BCOR: variants seen among roughly 807,000 people sequenced by gnomAD.
BCOR encodes the protein BCL-6 corepressor.
A neutral mutation model predicts 86.7 loss-of-function variants in BCOR; 10 were observed. The ratio of observed to expected loss-of-function variants is 0.12; its 90% CI spans 0.07 to 0.20. BCOR has a LOEUF of 0.20. Ranked by LOEUF, BCOR falls within the 10% of genes least tolerant of loss-of-function variation. The pLI, the probability that BCOR is intolerant of heterozygous loss-of-function variation, is 1.00. For missense variants in BCOR, 1,259 were observed against 1,452.1 expected (o/e 0.87, Z 2.16); for synonymous variants, 611 against 609.0 (o/e 1.00, Z -0.05).
intron 1 of BCOR, among the ~76,000 whole-genome samples, chrX:40,121,634 T>C (rs757428493): frequency 2.7e-5 from 3 of 112,973 alleles, no homozygotes; most frequent in Non-Finnish European, 3.7e-5. Flanking sequence ...GATGATGACA[T>C]GTGCCACACA....
In BCOR at chrX:40,062,119, G is replaced by A. The variant is rs755977402; in HGVS notation, c.4428+20C>T. The A allele has an allele frequency of 5.2e-5, 62 of 1,191,683 alleles. No individual in the cohort carries two copies. In the East Asian group the frequency reaches 1.8e-3, roughly 35 times the overall value. On this transcript the variant is annotated intron_variant, in intron 10 of 14. Transcript: ENST00000378444. ...CCGCCCCCCAGCCTGCAGCCCCAGG[G>A]AGCGCCCACAGGGACACACCTCATA...
At chrX:40,141,800 C>T (rs1937928497) in intron 1 of BCOR, among the ~76,000 whole-genome samples, 2 of 111,421 alleles carry the variant, frequency 1.8e-5, no homozygotes, top group South Asian at 7.5e-4. Flanking sequence ...TGAAGATGGC[C>T]TCTCTCGCAC....
At chrX:40,055,152 T>C (rs1321356363) in intron 12 of BCOR, among the ~76,000 whole-genome samples, 1 of 112,491 alleles carries the variant, frequency 8.9e-6, no homozygotes, top group Non-Finnish European at 1.9e-5. Flanking sequence ...AAAATGGGAA[T>C]AACTTTAGGA....
In BCOR at chrX:40,139,477, AT is replaced by A. The variant is rs1465352913; in HGVS notation, c.-41+37529del. On this transcript the variant is annotated intron_variant, in intron 1 of 14. Coordinates refer to the BCOR transcript ENST00000342274. ...TATACATATATATATATATATATAT[AT>A]ATATATATATATATATATATTTTTT... 3.5e-4 allele frequency among the ~76,000 whole-genome samples: 4 copies of A among 11,368 alleles called. 1 individual carries two copies. The highest frequency in any genetic ancestry group is 1.9e-3 in the African/African-American group (3 of 1,591). 9.9% of individuals were successfully genotyped at this position (11,368 alleles called of 115,157 possible). A position where few individuals can be genotyped will look rare whatever the true frequency, so the allele number is the denominator to read the frequency against.
chrX:40,130,811 C>T (rs1224565916), intron 1 of BCOR, among the ~76,000 whole-genome samples: 2 of 111,730 alleles, frequency 1.8e-5, no homozygotes, highest in Non-Finnish European at 3.8e-5. Context: ...TCCTGCCTTC[C>T]AAGGGTACCC....
rs768521643 is a variant in BCOR, at chrX:40,095,434, CAA to C, written c.-41+1779_-41+1780del. Among the ~76,000 whole-genome samples, 115 of 111,102 alleles carry C rather than the reference CAA, an allele frequency of 1.0e-3. No individual in the cohort carries two copies. In the South Asian group the frequency reaches 0.017, roughly 16 times the overall value. ...GAAGTGTCAGATGGCCAGAAATACC[CAA>C]GTCTGTCTGCACTCACCACCCACCA... is the stretch of plus-strand genomic sequence containing the variant. On this transcript the variant is annotated intron_variant, in intron 1 of 14. Transcript: ENST00000378444.
At chrX:40,159,386 G>T (rs1045508814) in intron 1 of BCOR, among the ~76,000 whole-genome samples, 39 of 112,885 alleles carry the variant, frequency 3.5e-4, no homozygotes, top group African/African-American at 1.3e-3. Context: ...TCGCTCTGTC[G>T]TCCAGGTTGG....
At chrX:40,119,738 G>A (rs1569185184) in intron 1 of BCOR, among the ~76,000 whole-genome samples, 1 of 111,227 alleles carries the variant, frequency 9.0e-6, no homozygotes, top group Non-Finnish European at 1.9e-5. Context: ...TGATCTGGAA[G>A]CTGGTTACAT....
intron 1 of BCOR, among the ~76,000 whole-genome samples, chrX:40,096,023 G>C (rs1359825375): frequency 1.8e-5 from 2 of 112,285 alleles, no homozygotes; most frequent in Admixed American, 1.8e-4. Flanking sequence ...GCAGGCGCTC[G>C]TCACCGCCGC....
intron 8 of BCOR, 74 bp from the exon 9 acceptor site, chrX:40,063,145 GC>G: frequency 1.3e-6 from 1 of 798,782 alleles, no homozygotes. Flanking sequence ...CACAGTTGTA[GC>G]CAGTGCAGGA....
Position 40,076,544 on chromosome X carries a change from G to C in BCOR, c.87-12C>G. 1 of 1,153,563 alleles carries C rather than the reference G, an allele frequency of 8.7e-7. No individual in the cohort carries two copies. The highest frequency in any genetic ancestry group is 1.2e-6 in the Non-Finnish European group (1 of 844,014). On this transcript the variant is annotated splice_polypyrimidine_tract_variant and intron_variant, in intron 2 of 14. Coordinates refer to ENST00000378444, the MANE Select transcript of BCOR (RefSeq NM_001123385.2). The stretch of plus-strand genomic sequence containing the variant: ...TTACAAGGATTTTCCTATTTAAAAA[G>C]ATACACCAACTTCATGAAAGCATTC...
intron 1 of BCOR, among the ~76,000 whole-genome samples, chrX:40,103,293 G>A (rs768020177): frequency 9.0e-6 from 1 of 111,556 alleles, no homozygotes; most frequent in African/African-American, 3.3e-5. Context: ...AGCGTGGAGG[G>A]GAAACGCCAT....
chrX:40,057,866 G>C (rs1484971916), intron 10 of BCOR, among the ~76,000 whole-genome samples: 1 of 111,928 alleles, frequency 8.9e-6, no homozygotes, highest in Non-Finnish European at 1.9e-5. Context: ...ACAGAGAGGA[G>C]GATGCCCAGG....
At chrX:40,086,402 G>A (rs750404763) in intron 1 of BCOR, among the ~76,000 whole-genome samples, 7 of 113,213 alleles carry the variant, frequency 6.2e-5, no homozygotes, top group Non-Finnish European at 9.4e-5. Flanking sequence ...CCAGTTCAAC[G>A]GATCCTGGCC....
chrX:40,148,715 C>A (rs1406309554), intron 1 of BCOR, among the ~76,000 whole-genome samples: 1 of 111,037 alleles, frequency 9.0e-6, no homozygotes, highest in Non-Finnish European at 1.9e-5. Flanking sequence ...TCTCATGTGC[C>A]GCGGCAGCCT....
Position 40,073,857 on chromosome X carries a change from A to G in BCOR, c.1489T>C (p.Tyr497His), listed in dbSNP as rs766873054. 1 of 1,212,307 alleles carries G rather than the reference A, an allele frequency of 8.2e-7. No individual in the cohort carries two copies. The highest frequency in any genetic ancestry group is 1.8e-5 in the South Asian group (1 of 57,042). Reference sequence around the variant, plus strand: ...GCAGTGCTGATGATTTCAGATCTATAGATAGCACAACCATTTCCTGGAGGA... The same window carrying G: ...GCAGTGCTGATGATTTCAGATCTATGGATAGCACAACCATTTCCTGGAGGA... Reference protein sequence around the residue: ...LSPPGNGCAIYRSEIISTAPS... With the variant: ...LSPPGNGCAIHRSEIISTAPS... The change falls in exon 4 of 15, where the codon TAT (tyrosine) becomes CAT (histidine). Residue 497 changes from tyrosine to histidine, a missense_variant. Physicochemically the swap from Tyr to His is moderately conservative, Grantham distance 83 (BLOSUM62 2). Coordinates refer to ENST00000378444, the MANE Select transcript of BCOR (RefSeq NM_001123385.2).
At chrX:40,120,197 C>T (rs1036353160) in intron 1 of BCOR, among the ~76,000 whole-genome samples, 3 of 111,013 alleles carry the variant, frequency 2.7e-5, no homozygotes, top group Non-Finnish European at 3.8e-5. Context: ...CCTAGGCCCC[C>T]ACCCTGTCTT....
chrX:40,080,390 G>A (rs751910310), intron 1 of BCOR, among the ~76,000 whole-genome samples: 27 of 110,972 alleles, frequency 2.4e-4, no homozygotes, highest in Admixed American at 4.7e-4. Context: ...GCGGTGAGCC[G>A]AGATCGCACC....
chrX:40,160,209 G>C (rs1322770156), intron 1 of BCOR, among the ~76,000 whole-genome samples: 1 of 108,960 alleles, frequency 9.2e-6, no homozygotes, highest in Non-Finnish European at 1.9e-5. Flanking sequence ...TCCGCCTCCC[G>C]GATTCACGCC....
Sources: gnomAD v4.1 joint callset for allele counts (sites outside exome capture counted in the v4.1 genomes callset) on GRCh38, gnomAD v4.1.1 for gene constraint, MANE v1.5 for transcripts, NCBI Gene and HGNC (gene_info 2026-07-23, HGNC 2026-07-21) for gene names.